Variants in TFCP2 observed in about 807,000 individuals in gnomAD.
The protein encoded by TFCP2 is alpha-globin transcription factor CP2.
TFCP2 carries 33 observed loss-of-function variants against 73.4 expected under a neutral mutation model. The observed-to-expected ratio is 0.45, with a 90% CI of 0.34 to 0.60. The LOEUF (loss-of-function observed/expected upper bound fraction) is 0.60, where lower values mean the gene tolerates loss of function less well. Among genes scored for constraint, TFCP2 ranks in the 20% least tolerant of loss-of-function variants. TFCP2 has a pLI of 0.01. For synonymous variants in TFCP2, 193 were observed against 211.6 expected, an observed-to-expected ratio of 0.91 and a Z score of 0.76; for missense variants, 352 against 604.0, an observed-to-expected ratio of 0.58 and a Z score of 4.37.
chr12:51,106,894 T>G (rs1940259978), intron 7 of TFCP2: 1 of 492,616 alleles, frequency 2.0e-6, no homozygotes, highest in South Asian at 2.3e-5. Flanking sequence ...AGCACACAGC[T>G]CTTCCTAAAA....
intron 1 of TFCP2, among the ~76,000 whole-genome samples, chr12:51,120,500 T>C (rs904482724): frequency 2.0e-5 from 3 of 152,084 alleles, no homozygotes; most frequent in Admixed American, 1.3e-4. Flanking sequence ...TGTAGGGAGA[T>C]AAAAATGTAT....
chr12:51,100,454 TCATCAACCC>T (rs1170461623), intron 11 of TFCP2, among the ~76,000 whole-genome samples: 1 of 152,192 alleles, frequency 6.6e-6, no homozygotes. Flanking sequence ...TTTCCACAAG[TCATCAACCC>T]CTGATTTCAC....
At chr12:51,102,480 C>T (rs1282275848) in intron 10 of TFCP2, among the ~76,000 whole-genome samples, 1 of 152,022 alleles carries the variant, frequency 6.6e-6, no homozygotes, top group East Asian at 1.9e-4. Flanking sequence ...AATCCCAGCA[C>T]TTTGGGATGT....
intron 1 of TFCP2, among the ~76,000 whole-genome samples, chr12:51,151,187 C>T (rs1446086073): frequency 1.3e-5 from 2 of 152,148 alleles, no homozygotes; most frequent in Non-Finnish European, 2.9e-5. Flanking sequence ...GCGGCTGCAG[C>T]AGAGCAAGCC....
At chr12:51,111,066 A>G (rs1040554423) in intron 4 of TFCP2, 83 bp from the exon 5 acceptor site, 23 of 931,894 alleles carry the variant, frequency 2.5e-5, no homozygotes, top group Non-Finnish European at 4.0e-5. Context: ...TATATTACTC[A>G]ATGTAGCTAC....
chr12:51,125,242 A>C (rs1289278664), intron 1 of TFCP2: 1 of 597,032 alleles, frequency 1.7e-6, no homozygotes, highest in African/African-American at 1.8e-5. Flanking sequence ...ATGGGATGAG[A>C]AAGTGAGTCC....
At chr12:51,110,153 T>C (rs35530518) in intron 5 of TFCP2, among the ~76,000 whole-genome samples, 2 of 152,140 alleles carry the variant, frequency 1.3e-5, no homozygotes, top group Admixed American at 1.3e-4. Context: ...AAACTAGTGG[T>C]TACTATAATT....
chr12:51,098,433 C>T (rs1383721156), intron 13 of TFCP2, among the ~76,000 whole-genome samples: 1 of 151,638 alleles, frequency 6.6e-6, no homozygotes, highest in Non-Finnish European at 1.5e-5. Context: ...TGAGACCAAC[C>T]TGGCCAACAT....
chr12:51,138,534 T>A (rs1941115345), intron 1 of TFCP2, among the ~76,000 whole-genome samples: 1 of 152,198 alleles, frequency 6.6e-6, no homozygotes, highest in Admixed American at 6.5e-5. Context: ...GTTAGTCCTA[T>A]GAAATGGTAA....
intron 1 of TFCP2, among the ~76,000 whole-genome samples, chr12:51,153,405 T>G (rs1050422538): frequency 1.5e-4 from 23 of 148,574 alleles, no homozygotes; most frequent in African/African-American, 4.6e-4. Context: ...AACCTTTTTT[T>G]TTTTTGTTTT....
rs779290207 is a variant in TFCP2 at position 51,103,741 on chromosome 12, G to A, written c.989C>T (p.Pro330Leu). ...ATGCAACCACTGCTGAGCTTCCTGA[G>A]GTGTGGTTGTTGGTAAGAGGTTCTG... Reference protein sequence around the residue: ...VTDNLLPTTTPQEAQQWLHRN... With the variant: ...VTDNLLPTTTLQEAQQWLHRN... Residue 330 changes from proline (P) to leucine (L), a missense_variant, in exon 10 of 15, where the codon CCT becomes CTT. Physicochemically the swap from Pro to Leu is moderately conservative, Grantham distance 98. This residue lies in a region of TFCP2 where 194 missense variants were observed against 256.3 expected (regional missense o/e 0.76). Transcript: ENST00000257915. 1.2e-6 allele frequency: 2 copies of A among 1,613,744 alleles called. No homozygotes were observed. The highest frequency in any genetic ancestry group is 4.5e-5 in the East Asian group (2 of 44,868).
intron 1 of TFCP2, among the ~76,000 whole-genome samples, chr12:51,153,104 A>G (rs1941463746): frequency 6.6e-6 from 1 of 152,262 alleles, no homozygotes; most frequent in South Asian, 2.1e-4. Context: ...TTGGCTGGGC[A>G]CAGCAGCTCA....
At chr12:51,170,930 A>G (rs1212018847) in intron 1 of TFCP2, among the ~76,000 whole-genome samples, 2 of 151,572 alleles carry the variant, frequency 1.3e-5, no homozygotes, top group South Asian at 2.1e-4. Context: ...CGCCCACCTC[A>G]GCCTACCAAA....
intron 1 of TFCP2, among the ~76,000 whole-genome samples, chr12:51,136,794 G>A (rs1941072731): frequency 6.6e-6 from 1 of 152,098 alleles, no homozygotes; most frequent in Admixed American, 6.6e-5. Flanking sequence ...AAAATAATTA[G>A]CCGGCATGGT....
intron 4 of TFCP2, among the ~76,000 whole-genome samples, chr12:51,111,529 C>T (rs1305995607): frequency 6.6e-6 from 1 of 151,920 alleles, no homozygotes; most frequent in African/African-American, 2.4e-5. Flanking sequence ...CACCTTTTTT[C>T]CTCTTTAAAA....
intron 8 of TFCP2, among the ~76,000 whole-genome samples, chr12:51,106,075 T>G (rs1434688356): frequency 6.6e-6 from 1 of 152,184 alleles, no homozygotes; most frequent in Non-Finnish European, 1.5e-5. Context: ...TTATCAAAGA[T>G]TCATAATAAT....
intron 1 of TFCP2, among the ~76,000 whole-genome samples, chr12:51,161,596 C>T (rs1230490700): frequency 6.6e-6 from 1 of 151,468 alleles, no homozygotes. Flanking sequence ...AGGAGAATAG[C>T]TTGGACCCGG....
At chr12:51,162,609 T>C (rs1172438428) in intron 1 of TFCP2, among the ~76,000 whole-genome samples, 3 of 152,214 alleles carry the variant, frequency 2.0e-5, no homozygotes, top group East Asian at 1.9e-4. Context: ...CTCTTAGCAA[T>C]GTTCAAGTAT....
Position 51,095,097 on chromosome 12 carries a change from G to T in TFCP2, c.*144C>A. 1 of 870,642 alleles carries T rather than the reference G, an allele frequency of 1.1e-6. No homozygotes were observed. The highest frequency in any genetic ancestry group is 1.9e-6 in the Non-Finnish European group (1 of 523,634). 53.9% of individuals were successfully genotyped at this position (870,642 alleles called of 1,614,324 possible). On this transcript the variant is annotated 3_prime_UTR_variant, in exon 15 of 15. Transcript: ENST00000257915. ...GGCCAACACAGAGGGCCAGGATTCT[G>T]CCTCCATGGCCTGGACTCCTCCACA... is the stretch of plus-strand genomic sequence containing the variant.
Sources: gnomAD v4.1 joint callset for allele counts (sites outside exome capture counted in the v4.1 genomes callset) on GRCh38, gnomAD v4.1.1 for gene constraint, gnomAD v4.1.1 regional missense constraint, MANE v1.5 for transcripts, NCBI Gene and HGNC (gene_info 2026-07-23, HGNC 2026-07-21) for gene names.